The following PTPRT variants were observed in gnomAD, a reference collection of about 807,000 sequenced individuals.
PTPRT encodes the protein receptor-type tyrosine-protein phosphatase T.
Under a neutral mutation model 176.8 loss-of-function variants are expected in PTPRT, and 56 were observed. That is an observed-to-expected ratio of 0.32 (90% CI 0.26 to 0.40). The LOEUF (loss-of-function observed/expected upper bound fraction) is 0.40, where lower values mean the gene tolerates loss of function less well. Ranked by LOEUF, PTPRT falls within the 10% of genes least tolerant of loss-of-function variation. The pLI is 1.00. For missense variants in PTPRT, 1,540 were observed against 1,908.2 expected (o/e 0.81, Z 3.60); for synonymous variants, 783 against 739.0 (o/e 1.06, Z -0.96).
At chr20:43,143,819 C>T (rs937479281) in intron 1 of PTPRT, among the ~76,000 whole-genome samples, 36 of 152,162 alleles carry the variant, frequency 2.4e-4, no homozygotes, top group African/African-American at 8.7e-4. Context: ...CAAAAATGGC[C>T]ATTCAACTGG....
the PTPRT span, among the ~76,000 whole-genome samples, chr20:42,043,442 G>C: frequency 3.9e-5 from 6 of 152,270 alleles, no homozygotes; most frequent in South Asian, 1.2e-3. Flanking sequence ...CCAGCTAATG[G>C]GCTGTATGCA....
intron 1 of PTPRT, among the ~76,000 whole-genome samples, chr20:43,170,165 G>C (rs561895067): frequency 6.7e-6 from 1 of 148,650 alleles, no homozygotes; most frequent in Non-Finnish European, 1.5e-5. Flanking sequence ...ATATATACTC[G>C]ATATATATAC....
At chr20:43,103,362 A>C (rs1294584045) in intron 1 of PTPRT, among the ~76,000 whole-genome samples, 1 of 152,176 alleles carries the variant, frequency 6.6e-6, no homozygotes, top group East Asian at 1.9e-4. Context: ...GTACAATAGG[A>C]ACCTACACTC....
At chr20:42,630,960 C>T (rs1018271419) in intron 7 of PTPRT, among the ~76,000 whole-genome samples, 1 of 152,032 alleles carries the variant, frequency 6.6e-6, no homozygotes, top group African/African-American at 2.4e-5. Context: ...GTAATCTTGT[C>T]CCCAGGCCTC....
At chr20:42,397,858 A>G (rs942053547) in intron 9 of PTPRT, among the ~76,000 whole-genome samples, 5 of 152,272 alleles carry the variant, frequency 3.3e-5, no homozygotes, top group South Asian at 4.1e-4. Flanking sequence ...TCGTTGAGAA[A>G]TCTCCAAACT....
chr20:42,361,336 C>T (rs187118458), intron 9 of PTPRT, among the ~76,000 whole-genome samples: 72 of 152,166 alleles, frequency 4.7e-4, no homozygotes, highest in African/African-American at 1.5e-3. Context: ...GTAGAAAGTC[C>T]TTTTGGTGCT....
intron 1 of PTPRT, among the ~76,000 whole-genome samples, chr20:43,146,650 G>T (rs562529684): frequency 6.6e-6 from 1 of 152,108 alleles, no homozygotes; most frequent in African/African-American, 2.4e-5. Flanking sequence ...AAGACTGTCT[G>T]GGGGTACTGA....
At chr20:42,623,429 G>A (rs773270423) in intron 7 of PTPRT, among the ~76,000 whole-genome samples, 1 of 152,218 alleles carries the variant, frequency 6.6e-6, no homozygotes, top group Non-Finnish European at 1.5e-5. Flanking sequence ...CCTGTCACAT[G>A]TCATGTGGGG....
chr20:42,463,520 T>C (rs770590067), intron 8 of PTPRT, among the ~76,000 whole-genome samples: 40 of 152,150 alleles, frequency 2.6e-4, no homozygotes, highest in Non-Finnish European at 4.7e-4. Flanking sequence ...AGTCAGGTGG[T>C]AATTTAAGGA....
At chr20:42,974,615 T>C (rs140850299) in intron 1 of PTPRT, among the ~76,000 whole-genome samples, 30 of 152,260 alleles carry the variant, frequency 2.0e-4, no homozygotes, top group African/African-American at 7.2e-4. Flanking sequence ...TGAAATGAGA[T>C]CATATCTGCT....
chr20:42,975,441 T>A (rs951399627), intron 1 of PTPRT, among the ~76,000 whole-genome samples: 3 of 152,232 alleles, frequency 2.0e-5, no homozygotes, highest in African/African-American at 7.2e-5. Context: ...ATTTTTGTAA[T>A]CCATTTTCCT....
intron 1 of PTPRT, among the ~76,000 whole-genome samples, chr20:43,136,012 TAGTC>T (rs1177838177): frequency 1.3e-5 from 2 of 152,216 alleles, no homozygotes; most frequent in African/African-American, 4.8e-5. Context: ...AAAGTGGAAA[TAGTC>T]AGCTATTAAG....
At chr20:42,739,678 A>G (rs1315096127) in intron 6 of PTPRT, among the ~76,000 whole-genome samples, 1 of 152,236 alleles carries the variant, frequency 6.6e-6, no homozygotes, top group African/African-American at 2.4e-5. Context: ...ATTTAGTTCT[A>G]AAATGGGTTT....
At chr20:42,658,984 A>G (rs993331940) in intron 7 of PTPRT, among the ~76,000 whole-genome samples, 4 of 152,188 alleles carry the variant, frequency 2.6e-5, no homozygotes, top group Non-Finnish European at 5.9e-5. Context: ...TAATGGAAAG[A>G]AATGTCTCAA....
chr20:42,648,824 T>TTTTTTTTGTTTTTTG (rs1358565556), intron 7 of PTPRT, among the ~76,000 whole-genome samples: 5 of 78,198 alleles, frequency 6.4e-5, no homozygotes, highest in African/African-American at 1.6e-4. Context: ...GTCGTTGTTT[T>TTTTTTTTGTTTTTTG]TTTTTTTTTT....
chr20:43,061,692 C>A (rs1399820501), intron 1 of PTPRT, among the ~76,000 whole-genome samples: 1 of 152,202 alleles, frequency 6.6e-6, no homozygotes, highest in Non-Finnish European at 1.5e-5. Flanking sequence ...TTAGCCTCCA[C>A]AATAAATCAA....
intron 1 of PTPRT, among the ~76,000 whole-genome samples, chr20:43,115,594 T>G (rs2013029517): frequency 6.6e-6 from 1 of 152,140 alleles, no homozygotes; most frequent in African/African-American, 2.4e-5. Flanking sequence ...ATTACCAGCA[T>G]CTAGTGTATA....
chr20:42,988,935 C>T (rs1983745230), intron 1 of PTPRT, among the ~76,000 whole-genome samples: 1 of 152,226 alleles, frequency 6.6e-6, no homozygotes, highest in Non-Finnish European at 1.5e-5. Flanking sequence ...AGACACTTCA[C>T]ATGCTTTATC....
At chr20:42,796,404 T>C (rs2077454346) in intron 2 of PTPRT, among the ~76,000 whole-genome samples, 1 of 152,186 alleles carries the variant, frequency 6.6e-6, no homozygotes, top group Admixed American at 6.5e-5. Flanking sequence ...TACCAAAGCA[T>C]AACAAATTAC....
Sources: gnomAD v4.1 joint callset for allele counts (sites outside exome capture counted in the v4.1 genomes callset) on GRCh38, gnomAD v4.1.1 for gene constraint, MANE v1.5 for transcripts, NCBI Gene and HGNC (gene_info 2026-07-23, HGNC 2026-07-21) for gene names.